CMYA5: variants seen among roughly 807,000 people sequenced by gnomAD.
The protein encoded by CMYA5 is cardiomyopathy-associated protein 5.
CMYA5 carries 246 observed loss-of-function variants against 318.9 expected under a neutral mutation model. The observed-to-expected ratio is 0.77, with a 90% CI of 0.70 to 0.86. The LOEUF (loss-of-function observed/expected upper bound fraction) is 0.86. CMYA5 is among the 40% of genes least tolerant of loss of function. The pLI is 0.00. For missense variants in CMYA5, 4,589 were observed against 4,678.2 expected (o/e 0.98, Z 0.56); for synonymous variants, 1,641 against 1,729.5 (o/e 0.95, Z 1.27).
intron 2 of CMYA5, among the ~76,000 whole-genome samples, chr5:79,742,714 A>G (rs774093002): frequency 6.6e-6 from 1 of 151,254 alleles, no homozygotes; most frequent in Non-Finnish European, 1.5e-5. Flanking sequence ...CTCAGTGTTT[A>G]TTTATCTCCC....
Position 79,734,802 on chromosome 5 carries a change from T to C in CMYA5, c.6037T>C (p.Leu2013=), listed in dbSNP as rs761428055. 2 of 1,613,626 alleles carry C rather than the reference T, an allele frequency of 1.2e-6. No individual in the cohort carries two copies. Among genetic ancestry groups the C allele is most frequent in the African/African-American group, 2.7e-5 (2 of 74,910 alleles). The change falls in exon 2 of 13, where the codon TTG becomes CTG. Residue 2013 remains leucine (L), a synonymous_variant. Transcript: ENST00000446378. ...AGCAGAGGGGAAGGAGATTCATTCT[T>C]TGATGGAGAGTGAAAGTTTGCTATT... ...NIAEGKEIHS[L]MESESLLLEK...
At chr5:79,692,884 C>T (rs1234035930) in intron 1 of CMYA5, among the ~76,000 whole-genome samples, 1 of 152,184 alleles carries the variant, frequency 6.6e-6, no homozygotes, top group Non-Finnish European at 1.5e-5. Flanking sequence ...ACTAAACATT[C>T]ATGGAGTGCC....
intron 1 of CMYA5, among the ~76,000 whole-genome samples, chr5:79,713,339 C>T (rs1444319424): frequency 7.7e-6 from 1 of 129,570 alleles, no homozygotes; most frequent in Admixed American, 9.4e-5. Context: ...TATCTTAGCT[C>T]CTAATGTCAA....
chr5:79,746,547 T>TAAAAAAAAAAAAAAA, intron 4 of CMYA5, among the ~76,000 whole-genome samples: 1 of 68,898 alleles, frequency 1.5e-5, no homozygotes, highest in Non-Finnish European at 2.8e-5. Flanking sequence ...GAGCAAACTG[T>TAAAAAAAAAAAAAAA]AAAAAAAAAA....
chr5:79,734,926 G>T lies in CMYA5; in HGVS notation c.6161G>T (p.Gly2054Val). The T allele has an allele frequency of 1.2e-6, 2 of 1,613,794 alleles. No homozygotes were observed. Among genetic ancestry groups the T allele is most frequent in the Non-Finnish European group, 1.7e-6 (2 of 1,179,792 alleles). ...AGATTCTTCCAGAAACCAGTGTCTGGCCTATCAGTGGAACAGGTGAAGTCA... is the reference window on the plus strand; with the variant it reads ...AGATTCTTCCAGAAACCAGTGTCTGTCCTATCAGTGGAACAGGTGAAGTCA... Reference protein sequence around the residue: ...PERFFQKPVSGLSVEQVKSET... With the variant: ...PERFFQKPVSVLSVEQVKSET... Residue 2054 changes from glycine (G) to valine (V), a missense_variant, in exon 2 of 13, where the codon GGC (glycine) becomes GTC (valine). This residue lies in a region of CMYA5 where 2,431 missense variants were observed against 2,495.1 expected (regional missense o/e 0.97). Transcript: ENST00000446378.
chr5:79,793,512 A>G lies in CMYA5; in HGVS notation c.11865A>G (p.Pro3955=), dbSNP rs201217405. Residue 3955 remains proline (P), a synonymous_variant, in exon 12 of 13, where the codon CCA becomes CCG. Transcript: ENST00000446378. The part of the protein sequence containing the change: ...HYWETTVTDC[P]AYRLGICSSS... ...GGGAAACCACAGTCACAGACTGCCC[A>G]GCATATCGACTCGGCATCTGCTCCA... The G allele has an allele frequency of 1.9e-6, 3 of 1,613,968 alleles. No individual in the cohort carries two copies. The highest frequency in any genetic ancestry group is 2.5e-6 in the Non-Finnish European group (3 of 1,179,870).
intron 9 of CMYA5, among the ~76,000 whole-genome samples, chr5:79,773,020 A>G (rs558030347): frequency 6.6e-6 from 1 of 152,180 alleles, no homozygotes; most frequent in East Asian, 1.9e-4. Flanking sequence ...CTTTTTGTCC[A>G]TTATATTAGA....
chr5:79,752,610 T>A, intron 5 of CMYA5, 66 bp from the exon 6 acceptor site: 1 of 1,201,418 alleles, frequency 8.3e-7, no homozygotes, highest in Non-Finnish European at 1.2e-6. Flanking sequence ...TTTTGAACAA[T>A]TTTTTTCACT....
At chr5:79,709,880 GAAC>G (rs1399264744) in intron 1 of CMYA5, among the ~76,000 whole-genome samples, 17 of 131,172 alleles carry the variant, frequency 1.3e-4, no homozygotes, top group African/African-American at 4.8e-4. Context: ...AGAATTGCTT[GAAC>G]CCGGGAGGCG....
intron 1 of CMYA5, among the ~76,000 whole-genome samples, chr5:79,725,761 G>A (rs1349224195): frequency 2.6e-5 from 4 of 152,080 alleles, no homozygotes; most frequent in African/African-American, 9.7e-5. Flanking sequence ...AAAATTAGCC[G>A]GGCGTTATGA....
intron 5 of CMYA5, among the ~76,000 whole-genome samples, chr5:79,749,726 T>C (rs1267909810): frequency 1.3e-5 from 2 of 152,192 alleles, no homozygotes; most frequent in South Asian, 2.1e-4. Flanking sequence ...TAGCACCATA[T>C]GCAGTTGGGA....
intron 9 of CMYA5, chr5:79,778,127 A>T (rs535321156): frequency 6.6e-6 from 1 of 150,542 alleles, no homozygotes; most frequent in East Asian, 1.9e-4. Context: ...ATCTAAAAAG[A>T]AAAAAAAAAG....
Position 79,702,778 on chromosome 5 carries a change from A to G in CMYA5, c.149+12722A>G, listed in dbSNP as rs1305276024. ...ATAGTATGTGAATCATACTACAATAAAGCAGTTTTTAAAAAATCATCTGGT... is the reference window on the plus strand; with the variant it reads ...ATAGTATGTGAATCATACTACAATAGAGCAGTTTTTAAAAAATCATCTGGT... On this transcript the variant is annotated intron_variant, in intron 1 of 12. Transcript: ENST00000446378. 5.3e-5 allele frequency among the ~76,000 whole-genome samples: 8 copies of G among 152,216 alleles called. No individual in the cohort carries two copies. The East Asian group carries it at 1.5e-3, about 29-fold the overall frequency.
At chr5:79,778,900 A>AT (rs201686318) in intron 9 of CMYA5, among the ~76,000 whole-genome samples, 253 of 94,780 alleles carry the variant, frequency 2.7e-3, no homozygotes, top group Middle Eastern at 5.6e-3. Flanking sequence ...ATTTATTTTT[A>AT]TTTTTTTTTT....
intron 1 of CMYA5, among the ~76,000 whole-genome samples, chr5:79,718,076 A>G (rs1827554040): frequency 9.2e-6 from 1 of 108,914 alleles, no homozygotes. Context: ...TTTAGTAGAG[A>G]CGGGGTTTCA....
At chr5:79,798,734 A>T (rs1240354784) in intron 12 of CMYA5, among the ~76,000 whole-genome samples, 1 of 152,174 alleles carries the variant, frequency 6.6e-6, no homozygotes, top group Non-Finnish European at 1.5e-5. Context: ...ATGGATATGC[A>T]CAAGGAATAG....
chr5:79,791,903 G>T (rs1019937728), intron 11 of CMYA5, among the ~76,000 whole-genome samples: 1 of 152,128 alleles, frequency 6.6e-6, no homozygotes, highest in Admixed American at 6.5e-5. Flanking sequence ...GGGTTATTTT[G>T]CAGAACAAAA....
At chr5:79,792,036 A>G (rs1045090667) in intron 11 of CMYA5, among the ~76,000 whole-genome samples, 1 of 152,216 alleles carries the variant, frequency 6.6e-6, no homozygotes, top group African/African-American at 2.4e-5. Flanking sequence ...GAAGGCACTG[A>G]GCCAGCCAGC....
chr5:79,793,561 C>G lies in CMYA5; in HGVS notation c.11914C>G (p.Leu3972Val), dbSNP rs1329844147. 4 of 1,613,616 alleles carry G rather than the reference C, an allele frequency of 2.5e-6. No homozygotes were observed. Residue 3972 changes from leucine to valine, a missense_variant, in exon 12 of 13, where the codon CTA becomes GTA. By Grantham distance (32) the Leu-to-Val change is conservative. Around this residue, in one of 3 missense-constraint regions of CMYA5, gnomAD observed 2,431 missense variants for 2,495.1 expected, o/e 0.97. Transcript: ENST00000446378. ...CAGCTCGGCTGTGCAGGCAGGTGCC[C>G]TAGGACAAGGGGAGACCTCATGGTA... ...CSSSAVQAGA[L>V]GQGETSWYMH...
Sources: allele counts gnomAD v4.1 joint callset (sites outside exome capture counted in the v4.1 genomes callset), GRCh38; gene constraint gnomAD v4.1.1; regional missense constraint gnomAD v4.1.1; transcripts MANE v1.5; gene names NCBI Gene and HGNC (gene_info 2026-07-23, HGNC 2026-07-21).